RO60: variants seen among roughly 807,000 people sequenced by gnomAD.
RO60 encodes the protein RNA-binding protein RO60.
RO60 carries 20 observed loss-of-function variants against 55.3 expected under a neutral mutation model. The ratio of observed to expected loss-of-function variants is 0.36; its 90% CI spans 0.25 to 0.53. The LOEUF is 0.53. RO60 is among the 20% of genes least tolerant of loss of function. The pLI is 0.92. For synonymous variants in RO60, 213 were observed against 213.6 expected (o/e 1.00, Z 0.02); for missense variants, 558 against 646.6 (o/e 0.86, Z 1.49).
chr1:193,066,856 G>A (rs1308554659), intron 1 of RO60, among the ~76,000 whole-genome samples: 2 of 152,120 alleles, frequency 1.3e-5, no homozygotes, highest in African/African-American at 4.8e-5. Context: ...AAGACAGATC[G>A]AGATTTCAGA....
At chr1:193,067,184 CTTTTTT>C (rs1179476737) in intron 1 of RO60, among the ~76,000 whole-genome samples, 1 of 129,078 alleles carries the variant, frequency 7.7e-6, no homozygotes, top group Non-Finnish European at 1.7e-5. Context: ...TTTTTTCTTT[CTTTTTT>C]TTTTTTTTTT....
At chr1:193,060,032 G>A (rs757291752) in intron 1 of RO60, 1 of 1,348,084 alleles carries the variant, frequency 7.4e-7, no homozygotes, top group Admixed American at 1.9e-5. Context: ...AGCCGGGACC[G>A]CTCCTGCTTG....
Position 193,085,897 on chromosome 1 carries a change from A to C in RO60, c.*1166A>C. 1.0e-6 allele frequency: 1 copy of C among 985,252 alleles called. No homozygotes were observed. The highest frequency in any genetic ancestry group is 1.2e-6 in the Non-Finnish European group (1 of 829,790). 61.0% of individuals were successfully genotyped at this position (985,252 alleles called of 1,614,324 possible). A position where few individuals can be genotyped will look rare whatever the true frequency, so the allele number is the denominator to read the frequency against. On this transcript the variant is annotated 3_prime_UTR_variant, in exon 9 of 9. Transcript: ENST00000400968. ...TTTTCAGTATTATTTGTATGTATTA[A>C]ACTTTTCATTACACTAAAGTGCATT...
intron 7 of RO60, 48 bp downstream of exon 7, chr1:193,082,347 T>C (rs763217192): frequency 2.8e-6 from 4 of 1,436,478 alleles, no homozygotes; most frequent in Non-Finnish European, 3.9e-6. Context: ...TTACATAACG[T>C]GTAGAATGAT....
At chr1:193,091,529 C>G, downstream of RO60, 1 of 801,450 alleles carries the variant, frequency 1.2e-6, no homozygotes, top group Non-Finnish European at 2.0e-6. Flanking sequence ...GTAAATAATA[C>G]AACTAACAAT....
intron 1 of RO60, among the ~76,000 whole-genome samples, chr1:193,065,840 C>T (rs535843137): frequency 6.6e-6 from 1 of 152,272 alleles, no homozygotes; most frequent in Non-Finnish European, 1.5e-5. Context: ...CAAATTTATA[C>T]TAGCGTCTTA....
chr1:193,091,761 ACT>A (rs919949176), downstream of RO60: 2 of 1,219,754 alleles, frequency 1.6e-6, no homozygotes, highest in East Asian at 2.4e-5. Context: ...TACCAAATAA[ACT>A]CTATGCACAT....
At chr1:193,078,190 A>G (rs954048488) in intron 5 of RO60, among the ~76,000 whole-genome samples, 8 of 152,236 alleles carry the variant, frequency 5.3e-5, no homozygotes, top group Non-Finnish European at 1.2e-4. Context: ...AAAGCATTTC[A>G]CAAATTTCAA....
intron 2 of RO60, among the ~76,000 whole-genome samples, 166 bp from the exon 3 acceptor site, chr1:193,075,654 A>G (rs1490424814): frequency 6.6e-6 from 1 of 152,122 alleles, no homozygotes; most frequent in African/African-American, 2.4e-5. Context: ...AAATTAATTC[A>G]CCCCATTTGC....
chr1:193,065,548 T>C (rs1381749133), intron 1 of RO60, among the ~76,000 whole-genome samples: 1 of 152,216 alleles, frequency 6.6e-6, no homozygotes, highest in African/African-American at 2.4e-5. Flanking sequence ...GCAAAGTCTA[T>C]GTAATGTAAA....
rs145943712 is a variant in RO60, at chr1:193,088,162, CTTTTTTTTTTTTTTTTT to C, written c.*3446_*3462del. 2.3e-5 allele frequency: 1 copy of C among 44,376 alleles called. No individual in the cohort carries two copies. Among genetic ancestry groups the C allele is most frequent in the African/African-American group, 1.1e-4 (1 of 8,724 alleles). The allele number at this position is 44,376 out of a possible 1,614,324, so 2.7% of individuals were successfully genotyped here. A position where few individuals can be genotyped will look rare whatever the true frequency, so the allele number is the denominator to read the frequency against. On this transcript the variant is annotated 3_prime_UTR_variant, in exon 9 of 9. Coordinates refer to ENST00000400968, the MANE Select transcript of RO60 (RefSeq NM_001173524.2). ...GGTGTGCACTGCACTACCACGCCTG[CTTTTTTTTTTTTTTTTT>C]TTTTTTTTTTTTTTAAGAGACAACG...
In RO60 at chr1:193,088,729, A is replaced by ACATG. The variant is rs1674730105; in HGVS notation, c.*4001_*4004dup. The ACATG allele has an allele frequency of 6.6e-6, 1 of 152,180 alleles. No individual in the cohort carries two copies. The highest frequency in any genetic ancestry group is 1.5e-5 in the Non-Finnish European group (1 of 68,020). The allele number at this position is 152,180 out of a possible 1,614,324, so 9.4% of individuals were successfully genotyped here. On this transcript the variant is annotated 3_prime_UTR_variant, in exon 9 of 9. Coordinates refer to ENST00000400968, the MANE Select transcript of RO60 (RefSeq NM_001173524.2). ...GAAATGTCATATGGCATCAGTGTAA[A>ACATG]CATGCACAAGAAAGAATTTGTAAAA... is the stretch of plus-strand genomic sequence containing the variant.
Position 193,069,480 on chromosome 1 carries a change from C to T in RO60, c.426C>T (p.Gly142=). The T allele has an allele frequency of 6.2e-7, 1 of 1,614,196 alleles. No individual in the cohort carries two copies. The highest frequency in any genetic ancestry group is 2.2e-5 in the East Asian group (1 of 44,880). The part of the protein sequence containing the change: ...KKDLKESMKC[G]MWGRALRKAI... ...ATCTGAAGGAAAGCATGAAATGTGG[C>T]ATGTGGGGTCGTGCCCTCCGGAAGG... Residue 142 remains glycine, a synonymous_variant, in exon 2 of 9, where the codon GGC becomes GGT. Coordinates refer to ENST00000400968, the MANE Select transcript of RO60 (RefSeq NM_001173524.2).
Position 193,076,600 on chromosome 1 carries a change from G to C in RO60, c.901G>C (p.Val301Leu). Residue 301 changes from valine (V) to leucine (L), a missense_variant, in exon 4 of 9, where the codon GTA becomes CTA. Physicochemically the swap from Val to Leu is conservative, Grantham distance 32. Transcript: ENST00000400968. ...AGTACTTGAACCAGGAAATTCAGAAGTATCTTTAGTATGTGAAAAACTGTG... is the reference window on the plus strand; with the variant it reads ...AGTACTTGAACCAGGAAATTCAGAACTATCTTTAGTATGTGAAAAACTGTG... ...NSVLEPGNSE[V>L]SLVCEKLCNE... The C allele has an allele frequency of 6.2e-7, 1 of 1,609,166 alleles. No individual in the cohort carries two copies. The highest frequency in any genetic ancestry group is 8.5e-7 in the Non-Finnish European group (1 of 1,178,162).
Position 193,084,928 on chromosome 1 carries a change from G to T in RO60, c.*197G>T. Reference sequence around the variant, plus strand: ...AGGTCTATCTACTAAACTAGCTCTTGGGGAAATAGCTTCAGGATACTGTAG... The same window carrying T: ...AGGTCTATCTACTAAACTAGCTCTTTGGGAAATAGCTTCAGGATACTGTAG... On this transcript the variant is annotated 3_prime_UTR_variant, in exon 9 of 9. Coordinates refer to ENST00000400968, the MANE Select transcript of RO60 (RefSeq NM_001173524.2). 1 of 1,510,040 alleles carries T rather than the reference G, an allele frequency of 6.6e-7. No individual in the cohort carries two copies. Among genetic ancestry groups the T allele is most frequent in the Non-Finnish European group, 8.8e-7 (1 of 1,134,398 alleles). 93.5% of individuals were successfully genotyped at this position (1,510,040 alleles called of 1,614,324 possible).
chr1:193,068,501 A>ATAG (rs951418605), intron 1 of RO60, among the ~76,000 whole-genome samples: 1 of 152,258 alleles, frequency 6.6e-6, no homozygotes, highest in African/African-American at 2.4e-5. Context: ...TGAATGTTAG[A>ATAG]TAGGCAACCA....
chr1:193,085,727 C>A lies in RO60; in HGVS notation c.*996C>A. The A allele has an allele frequency of 1.0e-6, 1 of 983,714 alleles. No homozygotes were observed. Among genetic ancestry groups the A allele is most frequent in the Non-Finnish European group, 1.2e-6 (1 of 828,552 alleles). The allele number at this position is 983,714 out of a possible 1,614,324, so 60.9% of individuals were successfully genotyped here. On this transcript the variant is annotated 3_prime_UTR_variant, in exon 9 of 9. Transcript: ENST00000400968. ...TTAATATTTTTAAAAGTATACATGT[C>A]AATGGCCTCTTTGTCCATTATTCAT...
At chr1:193,077,706 C>T (rs1674023426) in intron 5 of RO60, among the ~76,000 whole-genome samples, 1 of 152,110 alleles carries the variant, frequency 6.6e-6, no homozygotes, top group African/African-American at 2.4e-5. Context: ...TATCAACAAT[C>T]TTGGCAGAAG....
intron 2 of RO60, among the ~76,000 whole-genome samples, chr1:193,070,850 C>G (rs1443449601): frequency 6.6e-6 from 1 of 152,064 alleles, no homozygotes; most frequent in African/African-American, 2.4e-5. Flanking sequence ...TAATAAATTG[C>G]AAATATTTAT....
Sources: allele counts gnomAD v4.1 joint callset (sites outside exome capture counted in the v4.1 genomes callset), GRCh38; gene constraint gnomAD v4.1.1; transcripts MANE v1.5; gene names NCBI Gene and HGNC (gene_info 2026-07-23, HGNC 2026-07-21).